The following SYTL2 variants were observed in gnomAD, a reference collection of about 807,000 sequenced individuals.
SYTL2 encodes the protein synaptotagmin-like protein 2.
SYTL2 carries 165 observed loss-of-function variants against 198.7 expected under a neutral mutation model. That is an observed-to-expected ratio of 0.83 (90% CI 0.73 to 0.94). The LOEUF (loss-of-function observed/expected upper bound fraction) is 0.94. SYTL2 is among the 40% of genes least tolerant of loss of function. The pLI, the probability that SYTL2 is intolerant of heterozygous loss-of-function variation, is 0.00. For missense variants in SYTL2, 2,835 were observed against 2,582.8 expected (o/e 1.10, Z -2.12); for synonymous variants, 966 against 917.7 (o/e 1.05, Z -0.95).
At chr11:85,795,559 T>C (rs1278589857) in intron 1 of SYTL2, among the ~76,000 whole-genome samples, 1 of 152,206 alleles carries the variant, frequency 6.6e-6, no homozygotes, top group African/African-American at 2.4e-5. Flanking sequence ...GTTTTTTGTT[T>C]TTTACTATAA....
the SYTL2 span, among the ~76,000 whole-genome samples, chr11:85,827,954 C>T: frequency 6.6e-6 from 1 of 152,192 alleles, no homozygotes; most frequent in Non-Finnish European, 1.5e-5. Context: ...TGGCAAATAT[C>T]TGTTTCTTAG....
intron 1 of SYTL2, among the ~76,000 whole-genome samples, chr11:85,790,503 TATAAG>T (rs1247400732): frequency 6.6e-6 from 1 of 152,170 alleles, no homozygotes; most frequent in Non-Finnish European, 1.5e-5. Flanking sequence ...GCTCCATAAT[TATAAG>T]AGAAGAGGTG....
chr11:85,701,473 A>G (rs2084291593), intron 16 of SYTL2, among the ~76,000 whole-genome samples: 1 of 152,230 alleles, frequency 6.6e-6, no homozygotes, highest in African/African-American at 2.4e-5. Flanking sequence ...AAACCTGTAT[A>G]AGAAACCTGC....
chr11:85,712,726 T>C (rs566053741), intron 12 of SYTL2, among the ~76,000 whole-genome samples: 8 of 144,204 alleles, frequency 5.5e-5, no homozygotes, highest in African/African-American at 1.5e-4. Flanking sequence ...ACACACACAC[T>C]TTTTTTTTCA....
At chr11:85,741,533 TC>T (rs1055872481) in intron 4 of SYTL2, among the ~76,000 whole-genome samples, 19 of 152,292 alleles carry the variant, frequency 1.2e-4, no homozygotes, top group African/African-American at 3.9e-4. Context: ...TTTTAAGAGT[TC>T]AATATAAATG....
chr11:85,745,798 G>C (rs2091117274), intron 3 of SYTL2, 26 bp from the exon 4 acceptor site: 1 of 1,595,702 alleles, frequency 6.3e-7, no homozygotes. Flanking sequence ...GTAAAGACAG[G>C]AAGGTTATCT....
At chr11:85,739,683 T>C (rs557692912) in intron 4 of SYTL2, among the ~76,000 whole-genome samples, 2 of 152,268 alleles carry the variant, frequency 1.3e-5, no homozygotes, top group South Asian at 4.2e-4. Flanking sequence ...CTCTATGTTA[T>C]CTATCATTTT....
At chr11:85,768,773 G>C (rs1483002868) in intron 1 of SYTL2, among the ~76,000 whole-genome samples, 1 of 152,130 alleles carries the variant, frequency 6.6e-6, no homozygotes, top group Non-Finnish European at 1.5e-5. Context: ...AATTTGAGAT[G>C]GGGTATTGGT....
chr11:85,791,051 C>T (rs1305054258), intron 1 of SYTL2, among the ~76,000 whole-genome samples: 7 of 150,598 alleles, frequency 4.6e-5, no homozygotes, highest in African/African-American at 9.8e-5. Flanking sequence ...CCTGTAATCC[C>T]GGCTACTTGG....
At chr11:85,820,377 A>G in the SYTL2 span, among the ~76,000 whole-genome samples, 1 of 152,370 alleles carries the variant, frequency 6.6e-6, no homozygotes, top group African/African-American at 2.4e-5. Flanking sequence ...AACTTCCCAG[A>G]CTGCCCATGG....
the SYTL2 span, among the ~76,000 whole-genome samples, chr11:85,826,701 T>G: frequency 6.6e-6 from 1 of 152,224 alleles, no homozygotes; most frequent in Non-Finnish European, 1.5e-5. Context: ...TAGGAGAAGT[T>G]GCTACCCATG....
chr11:85,729,142 G>A (rs745869151), intron 7 of SYTL2, among the ~76,000 whole-genome samples: 3 of 152,146 alleles, frequency 2.0e-5, no homozygotes, highest in Non-Finnish European at 2.9e-5. Context: ...GTAATAGTGG[G>A]AGACTTTAAC....
chr11:85,811,269 G>T (rs2093029631), upstream of SYTL2: 1 of 150,764 alleles, frequency 6.6e-6, no homozygotes, highest in Non-Finnish European at 1.5e-5. Flanking sequence ...GCCCGCCCCG[G>T]CCTCCTCGCC....
At chr11:85,758,599 T>C (rs371724242) in intron 1 of SYTL2, among the ~76,000 whole-genome samples, 1 of 152,236 alleles carries the variant, frequency 6.6e-6, no homozygotes, top group East Asian at 1.9e-4. Context: ...AGAGTGAGAA[T>C]TGTTATTCTT....
intron 1 of SYTL2, among the ~76,000 whole-genome samples, chr11:85,790,055 C>T (rs765423065): frequency 6.6e-6 from 1 of 151,966 alleles, no homozygotes; most frequent in Non-Finnish European, 1.5e-5. Context: ...CAAGACTAAA[C>T]CCAGATTCGT....
intron 14 of SYTL2, 77 bp from the exon 15 acceptor site, chr11:85,707,608 G>T: frequency 1.1e-6 from 1 of 903,838 alleles, no homozygotes; most frequent in Non-Finnish European, 1.8e-6. Context: ...TAAATACATT[G>T]AAAACTGACA....
At chr11:85,821,690 T>C in the SYTL2 span, among the ~76,000 whole-genome samples, 5 of 152,330 alleles carry the variant, frequency 3.3e-5, no homozygotes, top group Non-Finnish European at 4.4e-5. Context: ...TATATGTCCA[T>C]TTTCAGTTTT....
rs752078529 is a variant in SYTL2 at position 85,698,049 on chromosome 11, G to A, written c.6298C>T (p.His2100Tyr). 6.2e-7 allele frequency: 1 copy of A among 1,613,534 alleles called. No homozygotes were observed. Among genetic ancestry groups the A allele is most frequent in the Non-Finnish European group, 8.5e-7 (1 of 1,179,676 alleles). ...TCAAGGCATTCCTTCACCCAGATGT[G>A]CACTTCTCCAGTTGTAGGAAGCTTT... ...GKKLPTTGEV[H>Y]IWVKECLDLP... Residue 2100 changes from histidine to tyrosine, a missense_variant, in exon 18 of 20, where the codon CAC (histidine) becomes TAC (tyrosine). Coordinates refer to ENST00000359152, the MANE Select transcript of SYTL2 (RefSeq NM_206927.4).
intron 1 of SYTL2, among the ~76,000 whole-genome samples, chr11:85,763,772 CA>C (rs2092161126): frequency 6.6e-6 from 1 of 151,752 alleles, no homozygotes; most frequent in East Asian, 1.9e-4. Context: ...TGCCGCCAGA[CA>C]AAAAGGCCCT....
Sources: allele counts gnomAD v4.1 joint callset (sites outside exome capture counted in the v4.1 genomes callset), GRCh38; gene constraint gnomAD v4.1.1; transcripts MANE v1.5; gene names NCBI Gene and HGNC (gene_info 2026-07-23, HGNC 2026-07-21).